The following GRK4 variants were observed in gnomAD, a reference collection of about 807,000 sequenced individuals.
GRK4 encodes the protein G protein-coupled receptor kinase 4, also known as G protein-coupled receptor kinase 2-like.
GRK4 carries 73 observed loss-of-function variants against 77.9 expected under a neutral mutation model. That is an observed-to-expected ratio of 0.94 (90% CI 0.78 to 1.14). The LOEUF (loss-of-function observed/expected upper bound fraction) is 1.14. Ranked by LOEUF, GRK4 falls within the 50% of genes most tolerant of loss-of-function variation. The probability of loss-of-function intolerance (pLI) is 0.00; values close to 1 mark genes in which losing one functional copy is unlikely to be tolerated. For synonymous variants in GRK4, 257 were observed against 254.4 expected (o/e 1.01, Z -0.10); for missense variants, 729 against 700.2 (o/e 1.04, Z -0.46).
At chr4:2,994,498 A>G (rs558609270) in intron 4 of GRK4, among the ~76,000 whole-genome samples, 1 of 152,356 alleles carries the variant, frequency 6.6e-6, no homozygotes, top group African/African-American at 2.4e-5. Flanking sequence ...GGCGTGAACC[A>G]CTACACCCGG....
At chr4:2,988,095 A>AAAAAG in intron 2 of GRK4, among the ~76,000 whole-genome samples, 1 of 149,698 alleles carries the variant, frequency 6.7e-6, no homozygotes, top group African/African-American at 2.5e-5. Context: ...AAAAAAAAAA[A>AAAAAG]AAAAGAAGTA....
chr4:3,007,331 A>G (rs1454296643), intron 5 of GRK4, among the ~76,000 whole-genome samples: 8 of 152,240 alleles, frequency 5.3e-5, no homozygotes, highest in Non-Finnish European at 2.9e-5. Flanking sequence ...AACTGAGGCT[A>G]TAGAGGTTGG....
rs1429692664 is a variant in GRK4 at position 3,015,295 on chromosome 4, C to A, written c.741+1467C>A. On this transcript the variant is annotated intron_variant, in intron 8 of 15. Transcript: ENST00000398052. ...ATGATTTGTAGTGTTAGAGCTATTT[C>A]CTCCAAGCCATTTATTTCTTAGCCC... 2.0e-5 allele frequency among the ~76,000 whole-genome samples: 3 copies of A among 152,338 alleles called. No homozygotes were observed. The East Asian group carries it at 5.8e-4, about 29-fold the overall frequency.
intron 13 of GRK4, among the ~76,000 whole-genome samples, chr4:3,036,484 G>A (rs1740675970): frequency 6.6e-6 from 1 of 152,266 alleles, no homozygotes. Context: ...CAAGTCCTGG[G>A]TGAAAAGTTT....
chr4:2,977,525 C>T (rs1435975820), intron 1 of GRK4, among the ~76,000 whole-genome samples: 1 of 152,182 alleles, frequency 6.6e-6, no homozygotes, highest in Admixed American at 6.5e-5. Flanking sequence ...ACCTTAAAAT[C>T]TCTGTTGTTT....
chr4:2,996,844 C>T (rs529351743), intron 4 of GRK4, among the ~76,000 whole-genome samples: 2 of 152,052 alleles, frequency 1.3e-5, no homozygotes, highest in Admixed American at 6.6e-5. Context: ...CAATGATTCA[C>T]GTCATTATTG....
intron 12 of GRK4, among the ~76,000 whole-genome samples, chr4:3,032,561 C>T (rs947961748): frequency 1.3e-5 from 2 of 152,062 alleles, no homozygotes; most frequent in African/African-American, 2.4e-5. Context: ...AGATGAAATC[C>T]GTGGTGTTGG....
chr4:3,029,123 T>C (rs1738433697), intron 11 of GRK4, 78 bp from the exon 12 acceptor site: 1 of 1,093,918 alleles, frequency 9.1e-7, no homozygotes, highest in Non-Finnish European at 1.4e-6. Flanking sequence ...GTTGAATGTA[T>C]ACTGTGTTAC....
At chr4:3,025,039 G>C (rs893456169) in intron 10 of GRK4, among the ~76,000 whole-genome samples, 6 of 151,990 alleles carry the variant, frequency 3.9e-5, no homozygotes, top group African/African-American at 1.5e-4. Flanking sequence ...GGGAGGCCAA[G>C]GCAGGTGGAT....
chr4:3,034,407 C>T (rs966349638), intron 12 of GRK4, among the ~76,000 whole-genome samples: 1 of 152,152 alleles, frequency 6.6e-6, no homozygotes, highest in African/African-American at 2.4e-5. Flanking sequence ...TCAACTCTGC[C>T]GCTATAGTGG....
At position 2,974,143 on chromosome 4, in the gene GRK4, G is replaced by A. The variant is rs187402747; in HGVS notation, c.52+10021G>A. ...ATTATAGATACACACCACCACACCC[G>A]GCTCTCATTTACTCTTTATTTTTCT... On this transcript the variant is annotated intron_variant, in intron 1 of 15. Transcript: ENST00000398052. 3.8e-3 allele frequency among the ~76,000 whole-genome samples: 583 copies of A among 152,138 alleles called. 1 individual carries two copies. Among genetic ancestry groups the A allele is most frequent in the Middle Eastern group, 6.8e-3 (2 of 294 alleles).
intron 7 of GRK4, among the ~76,000 whole-genome samples, chr4:3,010,390 C>G (rs1436358803): frequency 1.3e-5 from 2 of 152,114 alleles, no homozygotes; most frequent in Admixed American, 1.3e-4. Context: ...CCACACCTAG[C>G]TAATTTTCGT....
chr4:2,980,178 A>G (rs1021874269), intron 1 of GRK4, among the ~76,000 whole-genome samples: 3 of 152,202 alleles, frequency 2.0e-5, no homozygotes, highest in African/African-American at 7.2e-5. Context: ...CATGGACAGC[A>G]GATGTCTTCT....
chr4:3,021,334 G>A (rs60966458), intron 9 of GRK4, among the ~76,000 whole-genome samples: 5,560 of 152,272 alleles, frequency 0.037, 309 homozygotes, highest in African/African-American at 0.12. Flanking sequence ...CACACAGCAC[G>A]AGGGTGTGAG....
intron 1 of GRK4, among the ~76,000 whole-genome samples, chr4:2,968,521 A>T (rs894830773): frequency 3.3e-5 from 5 of 152,336 alleles, no homozygotes; most frequent in African/African-American, 9.6e-5. Flanking sequence ...AAAGAACAGG[A>T]TGTGGGACTC....
rs377270614 is a variant in GRK4, at chr4:3,040,590, C to T, written c.1702C>T (p.Pro568Ser). The T allele has an allele frequency of 1.2e-6, 2 of 1,610,864 alleles. No homozygotes were observed. The highest frequency in any genetic ancestry group is 2.7e-5 in the African/African-American group (2 of 74,904). Residue 568 changes from proline to serine, a missense_variant, in exon 16 of 16, where the codon CCC becomes TCC. Physicochemically the swap from Pro to Ser is moderately conservative, Grantham distance 74. Transcript: ENST00000398052. ...GTTGTAGGGCTGCCTGACCATGGTC[C>T]CCAGTGAGAAGGAAGTGGAACCCAA... The part of the protein sequence containing the change: ...FRRGGCLTMV[P>S]SEKEVEPKQC
chr4:2,996,430 C>T (rs1437583294), intron 4 of GRK4, among the ~76,000 whole-genome samples: 1 of 152,126 alleles, frequency 6.6e-6, no homozygotes. Context: ...TGGCAGGTGC[C>T]TATGATCCCA....
At chr4:2,987,131 T>A in intron 2 of GRK4, 1 of 518,564 alleles carries the variant, frequency 1.9e-6, no homozygotes, top group South Asian at 1.4e-5. Flanking sequence ...GCCCGCTACC[T>A]CCAGAGCTAG....
chr4:2,979,526 CA>C (rs1460920729), intron 1 of GRK4, among the ~76,000 whole-genome samples: 1 of 152,098 alleles, frequency 6.6e-6, no homozygotes, highest in Admixed American at 6.5e-5. Context: ...CCAGCCTGAC[CA>C]ACATGGAGAA....
Sources: gnomAD v4.1 joint callset for allele counts (sites outside exome capture counted in the v4.1 genomes callset) on GRCh38, gnomAD v4.1.1 for gene constraint, MANE v1.5 for transcripts, NCBI Gene and HGNC (gene_info 2026-07-23, HGNC 2026-07-21) for gene names.